Variants in LYZL1 observed in about 807,000 individuals in gnomAD.
LYZL1 encodes the protein lysozyme like 1, also known as lysozyme-like protein 1.
A neutral mutation model predicts 17.9 loss-of-function variants in LYZL1; 16 were observed. The ratio of observed to expected loss-of-function variants is 0.90; its 90% CI spans 0.61 to 1.36. LYZL1 has a LOEUF of 1.36. Ranked by LOEUF, LYZL1 falls within the 40% of genes most tolerant of loss-of-function variation. The pLI is 0.00. For synonymous variants in LYZL1, 58 were observed against 71.8 expected (o/e 0.81, Z 0.97); for missense variants, 149 against 188.4 (o/e 0.79, Z 1.22).
chr10:29,298,566 C>G (rs117390877), intron 3 of LYZL1, among the ~76,000 whole-genome samples: 2,064 of 152,208 alleles, frequency 0.014, 28 homozygotes, highest in East Asian at 0.068. Context: ...ATTCAGCTCA[C>G]CTCCCATGCA....
chr10:29,308,891 G>A (rs1835632963), intron 3 of LYZL1, among the ~76,000 whole-genome samples: 1 of 152,214 alleles, frequency 6.6e-6, no homozygotes, highest in Admixed American at 6.5e-5. Flanking sequence ...CTTAAGCCCA[G>A]GAGGTTGAGA....
At chr10:29,299,275 T>C (rs547395594) in intron 3 of LYZL1, among the ~76,000 whole-genome samples, 1 of 152,292 alleles carries the variant, frequency 6.6e-6, no homozygotes, top group South Asian at 2.1e-4. Context: ...TAACAGACAA[T>C]GGACTGGTAT....
At chr10:29,295,675 A>G (rs898668404) in intron 3 of LYZL1, among the ~76,000 whole-genome samples, 1 of 152,188 alleles carries the variant, frequency 6.6e-6, no homozygotes, top group African/African-American at 2.4e-5. Flanking sequence ...TGTGGGTGGA[A>G]CCAGTCTAAT....
At chr10:29,296,210 C>T (rs1835444530) in intron 3 of LYZL1, among the ~76,000 whole-genome samples, 1 of 152,112 alleles carries the variant, frequency 6.6e-6, no homozygotes. Context: ...TCCACATATA[C>T]AAGATAAATG....
intron 3 of LYZL1, among the ~76,000 whole-genome samples, chr10:29,304,060 C>T (rs1052329817): frequency 3.3e-5 from 5 of 152,268 alleles, no homozygotes; most frequent in African/African-American, 1.2e-4. Flanking sequence ...TGCACCTAGC[C>T]CGTGACCATT....
chr10:29,293,975 A>G (rs1835413240), intron 3 of LYZL1, among the ~76,000 whole-genome samples: 1 of 149,478 alleles, frequency 6.7e-6, no homozygotes, highest in African/African-American at 2.5e-5. Flanking sequence ...CTCTGTCTCA[A>G]AAAAAAAAAG....
At chr10:29,310,962 G>A in intron 4 of LYZL1, 28 bp from the exon 5 acceptor site, 1 of 1,614,146 alleles carries the variant, frequency 6.2e-7, no homozygotes, top group South Asian at 1.1e-5. Context: ...GCTTCTTTCT[G>A]CTGCTCCTGC....
chr10:29,294,907 A>G (rs1444307106), intron 3 of LYZL1, among the ~76,000 whole-genome samples: 2 of 152,202 alleles, frequency 1.3e-5, no homozygotes, highest in African/African-American at 2.4e-5. Context: ...AATCAATAAT[A>G]ATGGGATAAT....
At chr10:29,313,965 C>G (rs1002547431), downstream of LYZL1, among the ~76,000 whole-genome samples, 3 of 152,196 alleles carry the variant, frequency 2.0e-5, no homozygotes, top group Non-Finnish European at 2.9e-5. Flanking sequence ...CCTCCCACTC[C>G]CCCAGCATCT....
intron 3 of LYZL1, among the ~76,000 whole-genome samples, chr10:29,302,041 C>G (rs1835526061): frequency 6.6e-6 from 1 of 151,990 alleles, no homozygotes; most frequent in Non-Finnish European, 1.5e-5. Context: ...TCTTGAAGTC[C>G]TTGACATAAG....
At chr10:29,302,341 G>C (rs1399680627) in intron 3 of LYZL1, among the ~76,000 whole-genome samples, 1 of 152,202 alleles carries the variant, frequency 6.6e-6, no homozygotes, top group Non-Finnish European at 1.5e-5. Flanking sequence ...TTGTAAGTTA[G>C]GTGCAGAATG....
intron 3 of LYZL1, among the ~76,000 whole-genome samples, chr10:29,302,151 C>G (rs1225573209): frequency 6.6e-6 from 1 of 152,108 alleles, no homozygotes; most frequent in Non-Finnish European, 1.5e-5. Context: ...CTGGTATGTG[C>G]CACATTTCCC....
At position 29,289,145 on chromosome 10, in the gene LYZL1, T is replaced by A. The variant is rs771974094; in HGVS notation, c.-111T>A. ...GCAGGACGCTCCCCTGAGCTGCCTG[T>A]CACCGACTAAGTGGAGCAGTGTTTC... On this transcript the variant is annotated 5_prime_UTR_variant, in exon 1 of 5. Coordinates refer to ENST00000649382, the MANE Select transcript of LYZL1 (RefSeq NM_032517.6). The A allele has an allele frequency of 1.3e-5, 21 of 1,608,536 alleles. No individual in the cohort carries two copies. The highest frequency in any genetic ancestry group is 1.8e-5 in the Non-Finnish European group (21 of 1,176,872).
chr10:29,311,299 C>G, downstream of LYZL1: 1 of 1,293,398 alleles, frequency 7.7e-7, no homozygotes, highest in Non-Finnish European at 1.0e-6. Context: ...CCACAATGCT[C>G]TAGCCTTGGA....
At chr10:29,312,699 G>A (rs577047245), downstream of LYZL1, among the ~76,000 whole-genome samples, 16 of 152,218 alleles carry the variant, frequency 1.1e-4, no homozygotes, top group African/African-American at 2.2e-4. Context: ...CTTCTGCTCC[G>A]CACAGGGATG....
Position 29,298,531 on chromosome 10 carries a change from G to A in LYZL1, c.298+5854G>A, listed in dbSNP as rs936375108. On this transcript the variant is annotated intron_variant, in intron 3 of 4. Coordinates refer to ENST00000649382, the MANE Select transcript of LYZL1 (RefSeq NM_032517.6). ...AGCATGGTGGAGAAGGGTAGAGAGT[G>A]GATCCGTCAGGGCAAAGATGACATA... is the stretch of plus-strand genomic sequence containing the variant. Among the ~76,000 whole-genome samples, 4 of 152,128 alleles carry A rather than the reference G, an allele frequency of 2.6e-5. No homozygotes were observed. The East Asian group carries it at 7.7e-4, about 29-fold the overall frequency.
chr10:29,289,184 A>G lies in LYZL1; in HGVS notation c.-72A>G. On this transcript the variant is annotated 5_prime_UTR_variant, in exon 1 of 5. Coordinates refer to ENST00000649382, the MANE Select transcript of LYZL1 (RefSeq NM_032517.6). ...GAGCAGTGTTTCTTCCGCAGACTCA[A>G]CTGAGAAGTCAGCCTCTGGGGCAGG... The G allele has an allele frequency of 6.2e-7, 1 of 1,602,856 alleles. No homozygotes were observed. Among genetic ancestry groups the G allele is most frequent in the Non-Finnish European group, 8.5e-7 (1 of 1,173,750 alleles).
At chr10:29,302,235 G>A (rs1344270569) in intron 3 of LYZL1, among the ~76,000 whole-genome samples, 5 of 152,140 alleles carry the variant, frequency 3.3e-5, no homozygotes, top group Admixed American at 2.0e-4. Flanking sequence ...GTAAGTCCTC[G>A]AGTCTTGTCT....
At chr10:29,315,183 T>C (rs1355607622), downstream of LYZL1, among the ~76,000 whole-genome samples, 1 of 152,238 alleles carries the variant, frequency 6.6e-6, no homozygotes, top group Admixed American at 6.5e-5. Flanking sequence ...GGAACTACTC[T>C]TTCCAACTAG....
Sources: allele counts gnomAD v4.1 joint callset (sites outside exome capture counted in the v4.1 genomes callset), GRCh38; gene constraint gnomAD v4.1.1; transcripts MANE v1.5; gene names NCBI Gene and HGNC (gene_info 2026-07-23, HGNC 2026-07-21).